CAPN13: variants seen among roughly 807,000 people sequenced by gnomAD.
The protein encoded by CAPN13 is calpain-13.
CAPN13 carries 90 observed loss-of-function variants against 98.4 expected under a neutral mutation model. That is an observed-to-expected ratio of 0.92 (90% confidence interval 0.77 to 1.09). The LOEUF (loss-of-function observed/expected upper bound fraction) is 1.09, where lower values mean the gene tolerates loss of function less well. Ranked by LOEUF, CAPN13 falls within the 50% of genes least tolerant of loss-of-function variation. CAPN13 has a pLI of 0.00. For synonymous variants in CAPN13, 330 were observed against 305.5 expected, an observed-to-expected ratio of 1.08 and a Z score of -0.84; for missense variants, 887 against 841.3, an observed-to-expected ratio of 1.05 and a Z score of -0.67.
chr2:30,789,054 A>G (rs1674473032), intron 1 of CAPN13, among the ~76,000 whole-genome samples: 1 of 152,208 alleles, frequency 6.6e-6, no homozygotes, highest in African/African-American at 2.4e-5. Context: ...ACATTTCTTC[A>G]ATTGAGTTCT....
chr2:30,727,599 C>G (rs76935334), intron 22 of CAPN13, among the ~76,000 whole-genome samples: 1 of 152,236 alleles, frequency 6.6e-6, no homozygotes, highest in African/African-American at 2.4e-5. Context: ...CAAATCAAAA[C>G]CACAGTGAGA....
intron 2 of CAPN13, among the ~76,000 whole-genome samples, chr2:30,783,674 A>T (rs1674107663): frequency 6.6e-6 from 1 of 152,192 alleles, no homozygotes; most frequent in African/African-American, 2.4e-5. Context: ...ATGAATACTC[A>T]AAACAGAATG....
intron 12 of CAPN13, 105 bp from the exon 13 acceptor site, chr2:30,743,684 G>C: frequency 2.1e-6 from 2 of 970,778 alleles, no homozygotes; most frequent in Non-Finnish European, 3.2e-6. Context: ...CATTCACCAA[G>C]ATAACATTAC....
intron 1 of CAPN13, among the ~76,000 whole-genome samples, chr2:30,796,634 AC>A (rs1276074453): frequency 6.6e-6 from 1 of 152,196 alleles, no homozygotes; most frequent in Non-Finnish European, 1.5e-5. Flanking sequence ...ATTCTAAATG[AC>A]TTCAAAACCA....
At chr2:30,736,413 C>T in intron 18 of CAPN13, 90 bp downstream of exon 18, 2 of 1,289,812 alleles carry the variant, frequency 1.6e-6, no homozygotes, top group Non-Finnish European at 2.2e-6. Context: ...TTCTTTCATA[C>T]CCCTGAACCC....
At chr2:30,793,690 A>G (rs1674714002) in intron 1 of CAPN13, among the ~76,000 whole-genome samples, 1 of 151,934 alleles carries the variant, frequency 6.6e-6, no homozygotes, top group Non-Finnish European at 1.5e-5. Context: ...CCTGACTTCA[A>G]TACATATTAT....
chr2:30,759,018 C>G (rs1386927115), intron 7 of CAPN13, among the ~76,000 whole-genome samples: 1 of 122,754 alleles, frequency 8.1e-6, no homozygotes, highest in Non-Finnish European at 1.7e-5. Context: ...TTCCCTGCTC[C>G]TATTCTTCCT....
chr2:30,728,227 T>C (rs1026774919), intron 22 of CAPN13, among the ~76,000 whole-genome samples: 2 of 150,718 alleles, frequency 1.3e-5, no homozygotes, highest in African/African-American at 4.9e-5. Flanking sequence ...GTGATAAAAA[T>C]GTTCTAACAA....
Position 30,732,577 on chromosome 2 carries a change from A to G in CAPN13, c.1799-11T>C. The G allele has an allele frequency of 6.2e-7, 1 of 1,603,126 alleles. No individual in the cohort carries two copies. The highest frequency in any genetic ancestry group is 8.5e-7 in the Non-Finnish European group (1 of 1,176,096). The stretch of plus-strand genomic sequence containing the variant: ...TCCCTCTGAGGAAGTCTGGGGCCAC[A>G]GGTGAACGAGTGAGTGAGAGGAGGC... On this transcript the variant is annotated splice_polypyrimidine_tract_variant and intron_variant, in intron 19 of 22. Coordinates refer to ENST00000295055, the MANE Select transcript of CAPN13 (RefSeq NM_144575.3).
At chr2:30,775,096 TAACTA>T (rs1390506179) in intron 4 of CAPN13, among the ~76,000 whole-genome samples, 1 of 152,174 alleles carries the variant, frequency 6.6e-6, no homozygotes, top group African/African-American at 2.4e-5. Context: ...TATTATTAGA[TAACTA>T]AACCATTCCA....
intron 1 of CAPN13, among the ~76,000 whole-genome samples, chr2:30,790,527 C>T (rs1457462728): frequency 6.6e-6 from 1 of 152,154 alleles, no homozygotes; most frequent in Admixed American, 6.5e-5. Context: ...GGCTGAGAAG[C>T]AAGCAGGAGC....
intron 12 of CAPN13, 40 bp downstream of exon 12, chr2:30,745,683 A>G (rs1671871801): frequency 6.3e-7 from 1 of 1,594,630 alleles, no homozygotes. Flanking sequence ...ACCAGCAGAC[A>G]GCAGCAGAGG....
intron 20 of CAPN13, 82 bp from the exon 21 acceptor site, chr2:30,731,481 A>G (rs922965178): frequency 3.3e-6 from 4 of 1,223,734 alleles, no homozygotes; most frequent in Non-Finnish European, 2.3e-6. Flanking sequence ...TGGGCCCATA[A>G]GAAGCACAGG....
At chr2:30,760,017 G>A (rs13399585) in intron 7 of CAPN13, among the ~76,000 whole-genome samples, 21,146 of 152,194 alleles carry the variant, frequency 0.14, 3,005 homozygotes, top group African/African-American at 0.36. Flanking sequence ...CAAGAGGCAC[G>A]AACCCAGGTT....
At chr2:30,770,184 G>T in intron 5 of CAPN13, 129 bp downstream of exon 5, 1 of 1,250,950 alleles carries the variant, frequency 8.0e-7, no homozygotes, top group Non-Finnish European at 1.1e-6. Context: ...CTTTGCACGT[G>T]GTGATTGTTT....
intron 1 of CAPN13, among the ~76,000 whole-genome samples, chr2:30,794,648 C>T (rs967422936): frequency 2.0e-5 from 3 of 151,844 alleles, no homozygotes; most frequent in Non-Finnish European, 4.4e-5. Context: ...ATCCAATGTC[C>T]ATCAAAAGTG....
chr2:30,775,833 C>G, intron 4 of CAPN13, 97 bp downstream of exon 4: 1 of 732,148 alleles, frequency 1.4e-6, no homozygotes, highest in Non-Finnish European at 2.1e-6. Context: ...TCACTTTCAT[C>G]TCAGGCTTCC....
chr2:30,723,703 G>A (rs1208401545), intron 22 of CAPN13, among the ~76,000 whole-genome samples: 1 of 152,144 alleles, frequency 6.6e-6, no homozygotes, highest in Non-Finnish European at 1.5e-5. Flanking sequence ...TCAAGTGCAG[G>A]GGGCTTGGAA....
intron 6 of CAPN13, among the ~76,000 whole-genome samples, chr2:30,763,679 T>G (rs1672958729): frequency 6.6e-6 from 1 of 152,194 alleles, no homozygotes. Flanking sequence ...TCAAAATGGG[T>G]CATGCTGCCC....
Sources: gnomAD v4.1 joint callset for allele counts (sites outside exome capture counted in the v4.1 genomes callset) on GRCh38, gnomAD v4.1.1 for gene constraint, MANE v1.5 for transcripts, NCBI Gene and HGNC (gene_info 2026-07-23, HGNC 2026-07-21) for gene names.